The following KPNA1 variants were observed in gnomAD, a reference collection of about 807,000 sequenced individuals.
KPNA1 encodes karyopherin subunit alpha 1, also known as importin subunit alpha-5.
KPNA1 carries 10 observed loss-of-function variants against 70.5 expected under a neutral mutation model. The observed-to-expected ratio is 0.14, with a 90% CI of 0.09 to 0.24. The LOEUF (loss-of-function observed/expected upper bound fraction) is 0.24. Among genes scored for constraint, KPNA1 ranks in the 10% least tolerant of loss-of-function variants. The pLI is 1.00. For missense variants in KPNA1, 397 were observed against 637.9 expected (o/e 0.62, Z 4.07); for synonymous variants, 192 against 221.9 (o/e 0.87, Z 1.20).
intron 5 of KPNA1, among the ~76,000 whole-genome samples, chr3:122,457,021 G>A (rs995000325): frequency 6.6e-6 from 1 of 152,122 alleles, no homozygotes; most frequent in African/African-American, 2.4e-5. Context: ...TGTTTATGCA[G>A]GTATCCACAT....
chr3:122,449,137 G>A (rs145526044), intron 9 of KPNA1, among the ~76,000 whole-genome samples: 138 of 152,136 alleles, frequency 9.1e-4, no homozygotes, highest in Non-Finnish European at 1.8e-3. Context: ...TTTATGTCAC[G>A]AGTAAATCTT....
At chr3:122,482,325 A>G (rs187552449) in intron 2 of KPNA1, among the ~76,000 whole-genome samples, 342 of 152,372 alleles carry the variant, frequency 2.2e-3, no homozygotes, top group African/African-American at 7.8e-3. Flanking sequence ...ACCACATCAT[A>G]TATGTGCTCC....
chr3:122,425,799 C>G lies in KPNA1; in HGVS notation c.*1186G>C, dbSNP rs1205957246. 1 of 152,528 alleles carries G rather than the reference C, an allele frequency of 6.6e-6. No individual in the cohort carries two copies. The highest frequency in any genetic ancestry group is 1.5e-5 in the Non-Finnish European group (1 of 68,038). 9.4% of individuals were successfully genotyped at this position (152,528 alleles called of 1,614,324 possible). On this transcript the variant is annotated 3_prime_UTR_variant, in exon 14 of 14. Transcript: ENST00000344337. Reference sequence around the variant, plus strand: ...ACAATGAGGTTATAAGATCACTGTTCTTATTTGGGTTAAGCAGGTCATGTT... The same window carrying G: ...ACAATGAGGTTATAAGATCACTGTTGTTATTTGGGTTAAGCAGGTCATGTT...
At chr3:122,480,486 C>CGTG (rs1165934338) in intron 2 of KPNA1, among the ~76,000 whole-genome samples, 29 of 151,306 alleles carry the variant, frequency 1.9e-4, no homozygotes, top group Non-Finnish European at 3.7e-4. Flanking sequence ...GTGAAATAAA[C>CGTG]TTTTTTCAGA....
chr3:122,486,777 G>A (rs536353121), intron 2 of KPNA1, among the ~76,000 whole-genome samples: 6 of 152,020 alleles, frequency 3.9e-5, no homozygotes, highest in East Asian at 1.9e-4. Flanking sequence ...TAGTAGAGTC[G>A]GGGTTTCACC....
intron 12 of KPNA1, among the ~76,000 whole-genome samples, chr3:122,431,575 A>G (rs1205450654): frequency 6.6e-6 from 1 of 152,154 alleles, no homozygotes; most frequent in Non-Finnish European, 1.5e-5. Context: ...TGTTTTTTGT[A>G]ATTTGGACTG....
chr3:122,497,897 T>C (rs1462213430), intron 1 of KPNA1, among the ~76,000 whole-genome samples: 2 of 152,240 alleles, frequency 1.3e-5, no homozygotes, highest in African/African-American at 4.8e-5. Flanking sequence ...AACACAGAAG[T>C]TTTAATTTTG....
rs1333809929 is a variant in KPNA1 at position 122,426,260 on chromosome 3, C to G, written c.*725G>C. 1 of 152,632 alleles carries G rather than the reference C, an allele frequency of 6.6e-6. No homozygotes were observed. The highest frequency in any genetic ancestry group is 1.5e-5 in the Non-Finnish European group (1 of 68,034). The allele number at this position is 152,632 out of a possible 1,614,324, so 9.5% of individuals were successfully genotyped here. ...GATACAAATTAATATGTGCCCCTCT[C>G]CTTTCTGCTCTAAGGGAATCTACAA... On this transcript the variant is annotated 3_prime_UTR_variant, in exon 14 of 14. Coordinates refer to ENST00000344337, the MANE Select transcript of KPNA1 (RefSeq NM_002264.4).
intron 10 of KPNA1, among the ~76,000 whole-genome samples, chr3:122,441,831 G>A (rs1018086755): frequency 2.2e-4 from 33 of 152,148 alleles, no homozygotes; most frequent in African/African-American, 8.0e-4. Flanking sequence ...GAACTCCTGA[G>A]CTCAGGCAAT....
chr3:122,464,184 A>G lies in KPNA1; in HGVS notation c.238-143T>C, dbSNP rs1033822609. ...TAAAGGTAGGACAATCTTTACATAT[A>G]GAAACGTGTAAGATTATTAATAATA... is the stretch of plus-strand genomic sequence containing the variant. On this transcript the variant is annotated intron_variant, in intron 3 of 13. Transcript: ENST00000344337. 11 of 438,344 alleles carry G rather than the reference A, an allele frequency of 2.5e-5. No individual in the cohort carries two copies. The Admixed American group carries it at 4.4e-4, about 18-fold the overall frequency. The allele number at this position is 438,344 out of a possible 1,614,324, so 27.2% of individuals were successfully genotyped here. A position where few individuals can be genotyped will look rare whatever the true frequency, so the allele number is the denominator to read the frequency against.
intron 2 of KPNA1, among the ~76,000 whole-genome samples, chr3:122,474,918 T>C (rs1349782232): frequency 1.3e-5 from 2 of 152,136 alleles, no homozygotes; most frequent in Non-Finnish European, 2.9e-5. Flanking sequence ...CAGTGAAAAG[T>C]TGAAAGCTTT....
intron 9 of KPNA1, chr3:122,442,824 C>G (rs1165445196): frequency 6.6e-6 from 1 of 152,216 alleles, no homozygotes; most frequent in Non-Finnish European, 1.5e-5. Flanking sequence ...AAAGAAATGG[C>G]TGGGTTCCGT....
intron 5 of KPNA1, among the ~76,000 whole-genome samples, chr3:122,455,961 T>TC (rs2076260415): frequency 6.6e-6 from 1 of 152,070 alleles, no homozygotes; most frequent in Non-Finnish European, 1.5e-5. Flanking sequence ...GGAAACTATC[T>TC]GAAAAAAAAT....
intron 6 of KPNA1, among the ~76,000 whole-genome samples, chr3:122,452,366 G>A (rs1010336382): frequency 9.9e-5 from 15 of 151,484 alleles, no homozygotes; most frequent in African/African-American, 3.4e-4. Flanking sequence ...AAAATTAGCC[G>A]GGTGTGGTGG....
intron 1 of KPNA1, among the ~76,000 whole-genome samples, chr3:122,507,000 A>C (rs937234455): frequency 2.0e-5 from 3 of 152,220 alleles, no homozygotes; most frequent in Admixed American, 6.5e-5. Flanking sequence ...TAAAAAACCT[A>C]AAAGTTCCAA....
chr3:122,471,296 T>C (rs2076439476), intron 2 of KPNA1, among the ~76,000 whole-genome samples: 1 of 152,214 alleles, frequency 6.6e-6, no homozygotes, highest in Non-Finnish European at 1.5e-5. Context: ...GTTTGCAGTA[T>C]GTCCCAAAAT....
chr3:122,505,114 G>A (rs2076875834), intron 1 of KPNA1, among the ~76,000 whole-genome samples: 1 of 151,758 alleles, frequency 6.6e-6, no homozygotes, highest in Non-Finnish European at 1.5e-5. Flanking sequence ...GACCAGCCTG[G>A]CCAACATGGT....
Position 122,426,813 on chromosome 3 carries a change from CG to C in KPNA1, c.*171del. The C allele has an allele frequency of 1.9e-6, 1 of 524,844 alleles. No homozygotes were observed. Among genetic ancestry groups the C allele is most frequent in the South Asian group, 3.2e-5 (1 of 30,990 alleles). 32.5% of individuals were successfully genotyped at this position (524,844 alleles called of 1,614,324 possible). A position where few individuals can be genotyped will look rare whatever the true frequency, so the allele number is the denominator to read the frequency against. ...AGAAGGGTATTCCACCACAGAGAGCCGGAGGTTTTCCAGATGTGTGTAAGAG... is the reference window on the plus strand; with the variant it reads ...AGAAGGGTATTCCACCACAGAGAGCCGAGGTTTTCCAGATGTGTGTAAGAG... On this transcript the variant is annotated 3_prime_UTR_variant, in exon 14 of 14. Transcript: ENST00000344337.
At position 122,460,199 on chromosome 3, in the gene KPNA1, CT is replaced by C. The variant is rs2076308273; in HGVS notation, c.432+1024del. The C allele has an allele frequency of 4.7e-5, 46 of 985,352 alleles. No individual in the cohort carries two copies. The Admixed American group carries it at 2.4e-3, about 51-fold the overall frequency. The allele number at this position is 985,352 out of a possible 1,614,324, so 61.0% of individuals were successfully genotyped here. A position where few individuals can be genotyped will look rare whatever the true frequency, so the allele number is the denominator to read the frequency against. On this transcript the variant is annotated intron_variant, in intron 5 of 13. Coordinates refer to ENST00000344337, the MANE Select transcript of KPNA1 (RefSeq NM_002264.4). ...CATGTATTTGTAACTAATAAAGGCA[CT>C]GACTCAGTTGGTTACTCCAGGGAAG...
Sources: allele counts gnomAD v4.1 joint callset (sites outside exome capture counted in the v4.1 genomes callset), GRCh38; gene constraint gnomAD v4.1.1; transcripts MANE v1.5; gene names NCBI Gene and HGNC (gene_info 2026-07-23, HGNC 2026-07-21).